Variants in MAP3K3 observed in about 807,000 individuals in gnomAD.
MAP3K3 encodes mitogen-activated protein kinase kinase kinase 3.
A neutral mutation model predicts 80.9 loss-of-function variants in MAP3K3; 12 were observed. The observed-to-expected ratio is 0.15, with a 90% confidence interval of 0.10 to 0.24. MAP3K3 has a LOEUF of 0.24. Ranked by LOEUF, MAP3K3 falls within the 10% of genes least tolerant of loss-of-function variation. MAP3K3 has a pLI of 1.00. For synonymous variants in MAP3K3, 272 were observed against 307.1 expected (o/e 0.89, Z 1.19); for missense variants, 596 against 834.7 (o/e 0.71, Z 3.52).
chr17:63,671,298 C>T (rs1455737926), intron 6 of MAP3K3, among the ~76,000 whole-genome samples: 1 of 151,436 alleles, frequency 6.6e-6, no homozygotes, highest in Non-Finnish European at 1.5e-5. Flanking sequence ...GCTCTGTCAC[C>T]AGGCCGAAGT....
chr17:63,657,914 AGCC>A lies in MAP3K3; in HGVS notation c.381+8_381+10del. ...GTCCCAGGACAGAAACCATGTAAGTAGCCCTTGTCATGGTCTGGCAGCTGAAGA... is the reference window on the plus strand; with the variant it reads ...GTCCCAGGACAGAAACCATGTAAGTACTTGTCATGGTCTGGCAGCTGAAGA... On this transcript the variant is annotated splice_region_variant and intron_variant, in intron 5 of 15. Coordinates refer to ENST00000361733, the MANE Select transcript of MAP3K3 (RefSeq NM_002401.5). The A allele has an allele frequency of 6.8e-7, 1 of 1,478,424 alleles. No individual in the cohort carries two copies. The highest frequency in any genetic ancestry group is 9.4e-7 in the Non-Finnish European group (1 of 1,066,388). The allele number at this position is 1,478,424 out of a possible 1,614,324, so 91.6% of individuals were successfully genotyped here.
At chr17:63,667,434 C>T (rs2035023495) in intron 6 of MAP3K3, among the ~76,000 whole-genome samples, 1 of 152,132 alleles carries the variant, frequency 6.6e-6, no homozygotes, top group Non-Finnish European at 1.5e-5. Flanking sequence ...GAATTTTGAC[C>T]TTAAACCTCT....
intron 5 of MAP3K3, among the ~76,000 whole-genome samples, chr17:63,658,935 C>G (rs1466353280): frequency 6.6e-6 from 1 of 152,150 alleles, no homozygotes; most frequent in Non-Finnish European, 1.5e-5. Flanking sequence ...AAGGTTTCAC[C>G]ATGTTCGTCA....
chr17:63,630,873 T>C (rs2034201192), intron 1 of MAP3K3, among the ~76,000 whole-genome samples: 1 of 152,226 alleles, frequency 6.6e-6, no homozygotes, highest in Non-Finnish European at 1.5e-5. Flanking sequence ...GTTTTAAATC[T>C]AATTTTACTT....
rs760927080 is a variant in MAP3K3 at position 63,692,481 on chromosome 17, AAC to A, written c.1652+67_1652+68del. 22 of 1,511,050 alleles carry A rather than the reference AAC, an allele frequency of 1.5e-5. No homozygotes were observed. The highest frequency in any genetic ancestry group is 2.8e-5 in the African/African-American group (2 of 71,540). 93.6% of individuals were successfully genotyped at this position (1,511,050 alleles called of 1,614,324 possible). ...CAGGCCATAGTGGCCCCCCATTAGA[AAC>A]ACACCCTGGGGACTTTGTGGTGTGG... On this transcript the variant is annotated intron_variant, in intron 15 of 15. Transcript: ENST00000361733. This position sits in a 1 kb window ranked among gnomAD's most constrained non-coding sequence, Gnocchi z 4.5.
In MAP3K3 at chr17:63,667,029, C is replaced by T. The variant is rs756731667; in HGVS notation, c.471C>T (p.Pro157=). The stretch of plus-strand genomic sequence containing the variant: ...GGGATATAAATACTATCTACCAGCC[C>T]CCCGAGCCCAGAAGCAGGCACCTCT... ...SAGDINTIYQ[P]PEPRSRHLSV... The change falls in exon 6 of 16, where the codon CCC becomes CCT. Residue 157 remains proline, a synonymous_variant. Coordinates refer to ENST00000361733, the MANE Select transcript of MAP3K3 (RefSeq NM_002401.5). 1 of 1,610,880 alleles carries T rather than the reference C, an allele frequency of 6.2e-7. No homozygotes were observed. The highest frequency in any genetic ancestry group is 1.1e-5 in the South Asian group (1 of 90,360).
chr17:63,638,999 C>T (rs1009600790), intron 2 of MAP3K3, among the ~76,000 whole-genome samples: 48 of 151,434 alleles, frequency 3.2e-4, no homozygotes, highest in African/African-American at 9.2e-4. Context: ...CCAGCCTGGG[C>T]GACAGAGCAA....
At chr17:63,690,591 C>T in intron 12 of MAP3K3, 179 bp downstream of exon 12, 1 of 657,616 alleles carries the variant, frequency 1.5e-6, no homozygotes, top group East Asian at 2.9e-5. Context: ...TGAAGAGCAC[C>T]AAGCACCTGG....
Position 63,687,198 on chromosome 17 carries a change from T to G in MAP3K3, c.711-1329T>G, listed in dbSNP as rs201554461. On this transcript the variant is annotated intron_variant, in intron 8 of 15. Transcript: ENST00000361733. ...CTGACCAGCATAGCGAAACCCCGTC[T>G]CTACTAAAAATGAAAAAAAAAAAAA... Among the ~76,000 whole-genome samples, 12 of 139,114 alleles carry G rather than the reference T, an allele frequency of 8.6e-5. No homozygotes were observed. The East Asian group carries it at 2.4e-3, about 27-fold the overall frequency. 91.3% of individuals were successfully genotyped at this position (139,114 alleles called of 152,430 possible). A position where few individuals can be genotyped will look rare whatever the true frequency, so the allele number is the denominator to read the frequency against.
chr17:63,641,732 A>G (rs905076356), intron 2 of MAP3K3, among the ~76,000 whole-genome samples: 1 of 152,158 alleles, frequency 6.6e-6, no homozygotes, highest in South Asian at 2.1e-4. Flanking sequence ...GGGGCTACAT[A>G]TAGAGATTGA....
chr17:63,667,028 C>G lies in MAP3K3; in HGVS notation c.470C>G (p.Pro157Arg). 1 of 1,610,716 alleles carries G rather than the reference C, an allele frequency of 6.2e-7. No individual in the cohort carries two copies. The highest frequency in any genetic ancestry group is 8.5e-7 in the Non-Finnish European group (1 of 1,179,216). Reference sequence around the variant, plus strand: ...GGGGATATAAATACTATCTACCAGCCCCCCGAGCCCAGAAGCAGGCACCTC... The same window carrying G: ...GGGGATATAAATACTATCTACCAGCGCCCCGAGCCCAGAAGCAGGCACCTC... ...SAGDINTIYQ[P>R]PEPRSRHLSV... Residue 157 changes from proline to arginine, a missense_variant, in exon 6 of 16, where the codon CCC becomes CGC. By Grantham distance (103) the Pro-to-Arg change is moderately radical. Coordinates refer to ENST00000361733, the MANE Select transcript of MAP3K3 (RefSeq NM_002401.5).
At chr17:63,628,832 T>A (rs1031562911) in intron 1 of MAP3K3, among the ~76,000 whole-genome samples, 1 of 152,234 alleles carries the variant, frequency 6.6e-6, no homozygotes, top group African/African-American at 2.4e-5. Flanking sequence ...AATTAAGTAT[T>A]AGGGTAGATT....
At chr17:63,684,459 A>G (rs1488617518) in intron 7 of MAP3K3, among the ~76,000 whole-genome samples, 1 of 152,190 alleles carries the variant, frequency 6.6e-6, no homozygotes, top group Non-Finnish European at 1.5e-5. Flanking sequence ...TTTACTTTGC[A>G]ATTAATTTGC....
chr17:63,640,344 T>C (rs989244738), intron 2 of MAP3K3, among the ~76,000 whole-genome samples: 13 of 152,140 alleles, frequency 8.5e-5, no homozygotes, highest in African/African-American at 2.4e-4. Flanking sequence ...GTAGTTGATA[T>C]AGACACATAT....
At chr17:63,632,660 A>G (rs370742358) in intron 1 of MAP3K3, 21 bp from the exon 2 acceptor site, 20 of 1,613,308 alleles carry the variant, frequency 1.2e-5, no homozygotes, top group Non-Finnish European at 1.6e-5. Flanking sequence ...GTCTTAGTCC[A>G]TGTGCTCTCT....
chr17:63,685,689 A>G, intron 8 of MAP3K3, 99 bp downstream of exon 8: 2 of 927,630 alleles, frequency 2.2e-6, no homozygotes, highest in Non-Finnish European at 1.8e-6. Flanking sequence ...GGGTTAAAAC[A>G]TCATGCTTCT....
At chr17:63,642,872 C>T (rs2034470973) in intron 2 of MAP3K3, among the ~76,000 whole-genome samples, 2 of 151,854 alleles carry the variant, frequency 1.3e-5, no homozygotes, top group South Asian at 4.2e-4. Context: ...ATCCTCTTGC[C>T]TCAGCTTTCC....
chr17:63,641,468 C>G (rs74673472), intron 2 of MAP3K3, among the ~76,000 whole-genome samples: 1 of 152,048 alleles, frequency 6.6e-6, no homozygotes, highest in African/African-American at 2.4e-5. Context: ...GTCTCGAACT[C>G]CTGACCTCGT....
intron 2 of MAP3K3, chr17:63,634,709 A>C: frequency 1.2e-6 from 2 of 1,611,332 alleles, no homozygotes; most frequent in Non-Finnish European, 1.7e-6. Flanking sequence ...GTTTTTAAAG[A>C]AAAAACACAA....
Sources: allele counts gnomAD v4.1 joint callset (sites outside exome capture counted in the v4.1 genomes callset), GRCh38; gene constraint gnomAD v4.1.1; non-coding constraint Gnocchi (gnomAD v3.1); transcripts MANE v1.5; gene names NCBI Gene and HGNC (gene_info 2026-07-23, HGNC 2026-07-21).